LOC128125817: variants seen among roughly 807,000 people sequenced by gnomAD.
chr1:41,585,932 G>A, the LOC128125817 span, among the ~76,000 whole-genome samples: 1 of 152,116 alleles, frequency 6.6e-6, no homozygotes, highest in Non-Finnish European at 1.5e-5. Flanking sequence ...GTGTCCACAA[G>A]GGACATCATT....
chr1:41,606,505 C>T, the LOC128125817 span, among the ~76,000 whole-genome samples: 1 of 151,934 alleles, frequency 6.6e-6, no homozygotes, highest in Non-Finnish European at 1.5e-5. Flanking sequence ...CCTGCGAAGC[C>T]ACTCAGTATG....
chr1:41,606,606 C>T, the LOC128125817 span, among the ~76,000 whole-genome samples: 1 of 151,894 alleles, frequency 6.6e-6, no homozygotes, highest in Non-Finnish European at 1.5e-5. Flanking sequence ...TCTTCTTGAA[C>T]CTCATTTAAT....
chr1:41,618,260 C>T, the LOC128125817 span, among the ~76,000 whole-genome samples: 2 of 152,236 alleles, frequency 1.3e-5, no homozygotes, highest in Non-Finnish European at 2.9e-5. Flanking sequence ...AGTCTCCTTG[C>T]GCTCAGCAGA....
the LOC128125817 span, among the ~76,000 whole-genome samples, chr1:41,626,925 A>C: frequency 6.6e-6 from 1 of 152,178 alleles, no homozygotes; most frequent in Non-Finnish European, 1.5e-5. Flanking sequence ...CCATCTGTGT[A>C]GCTGTCTTTA....
the LOC128125817 span, among the ~76,000 whole-genome samples, chr1:41,622,403 G>A: frequency 2.0e-5 from 3 of 152,310 alleles, no homozygotes; most frequent in Admixed American, 6.5e-5. Flanking sequence ...GGGGGAGGAA[G>A]AAGGATGGAG....
chr1:41,593,753 C>G, the LOC128125817 span, among the ~76,000 whole-genome samples: 1 of 152,252 alleles, frequency 6.6e-6, no homozygotes, highest in Non-Finnish European at 1.5e-5. Context: ...GAAATTACCA[C>G]AAATTTAGTG....
chr1:41,616,651 CTA>C, the LOC128125817 span, among the ~76,000 whole-genome samples: 4 of 132,414 alleles, frequency 3.0e-5, no homozygotes, highest in African/African-American at 1.1e-4. Flanking sequence ...TGGAGTCTCA[CTA>C]TGTTGCCCAG....
At chr1:41,616,003 G>A in the LOC128125817 span, among the ~76,000 whole-genome samples, 16 of 151,898 alleles carry the variant, frequency 1.1e-4, no homozygotes, top group East Asian at 1.5e-3. Context: ...ACTCTCTACC[G>A]CATCTCAAGT....
the LOC128125817 span, chr1:41,585,323 G>A: frequency 5.3e-5 from 21 of 399,012 alleles, no homozygotes; most frequent in East Asian, 6.8e-4. Context: ...CTTCTTCTGT[G>A]TGATAGATGT....
At chr1:41,595,893 C>T in the LOC128125817 span, among the ~76,000 whole-genome samples, 2 of 152,182 alleles carry the variant, frequency 1.3e-5, no homozygotes, top group African/African-American at 4.8e-5. Flanking sequence ...TTGCAGACGG[C>T]CTATTGTGGG....
At chr1:41,614,429 G>A in the LOC128125817 span, among the ~76,000 whole-genome samples, 1 of 152,184 alleles carries the variant, frequency 6.6e-6, no homozygotes, top group Non-Finnish European at 1.5e-5. Flanking sequence ...CATCCCAACT[G>A]CTTTGCCACC....
chr1:41,589,826 C>G, the LOC128125817 span, among the ~76,000 whole-genome samples: 1 of 152,148 alleles, frequency 6.6e-6, no homozygotes, highest in Non-Finnish European at 1.5e-5. Context: ...ACACACACAC[C>G]CCCACATATC....
the LOC128125817 span, among the ~76,000 whole-genome samples, chr1:41,606,172 C>T: frequency 6.6e-6 from 1 of 151,968 alleles, no homozygotes; most frequent in Non-Finnish European, 1.5e-5. Context: ...TTTCCTTCCA[C>T]CCCATCTCAC....
At chr1:41,598,910 G>A in the LOC128125817 span, among the ~76,000 whole-genome samples, 1 of 151,812 alleles carries the variant, frequency 6.6e-6, no homozygotes, top group East Asian at 1.9e-4. Context: ...CCACCTCCTG[G>A]GCTCAGGTGA....
the LOC128125817 span, among the ~76,000 whole-genome samples, chr1:41,605,378 C>T: frequency 1.5e-5 from 1 of 68,790 alleles, no homozygotes; most frequent in Non-Finnish European, 4.1e-5. Context: ...CACACGCGCA[C>T]ACACACACAC....
chr1:41,587,241 T>TC, the LOC128125817 span, among the ~76,000 whole-genome samples: 25 of 152,170 alleles, frequency 1.6e-4, no homozygotes, highest in Non-Finnish European at 3.1e-4. Context: ...ATCCCTCTAG[T>TC]CATTGGATAT....
the LOC128125817 span, among the ~76,000 whole-genome samples, chr1:41,624,647 G>A: frequency 6.6e-6 from 1 of 152,196 alleles, no homozygotes; most frequent in Non-Finnish European, 1.5e-5. Context: ...GTATTATGTG[G>A]ATTATCATGA....
At chr1:41,588,168 T>G in the LOC128125817 span, among the ~76,000 whole-genome samples, 1 of 152,176 alleles carries the variant, frequency 6.6e-6, no homozygotes, top group Admixed American at 6.5e-5. Context: ...AACTGCTCTT[T>G]GGGCTGGGCT....
the LOC128125817 span, among the ~76,000 whole-genome samples, chr1:41,613,726 G>C: frequency 6.6e-6 from 1 of 152,134 alleles, no homozygotes; most frequent in Non-Finnish European, 1.5e-5. Flanking sequence ...AAAATTCACA[G>C]GGTTGTGCAA....
Sources: allele counts gnomAD v4.1 joint callset (sites outside exome capture counted in the v4.1 genomes callset), GRCh38; gene constraint gnomAD v4.1.1; transcripts MANE v1.5.